The following SUMF1 variants were observed in gnomAD, a reference collection of about 807,000 sequenced individuals.
SUMF1 encodes sulfatase modifying factor 1, also known as formylglycine-generating enzyme.
SUMF1 carries 48 observed loss-of-function variants against 47.6 expected under a neutral mutation model. The ratio of observed to expected loss-of-function variants is 1.01; its 90% CI spans 0.80 to 1.28. The LOEUF is 1.28. Among genes scored for constraint, SUMF1 ranks in the 50% most tolerant of loss-of-function variants. SUMF1 has a pLI of 0.00. For synonymous variants in SUMF1, 230 were observed against 192.1 expected (o/e 1.20, Z -1.63); for missense variants, 571 against 485.4 (o/e 1.18, Z -1.66).
intron 9 of SUMF1, among the ~76,000 whole-genome samples, chr3:4,049,568 G>C (rs1297554154): frequency 6.6e-6 from 1 of 152,106 alleles, no homozygotes; most frequent in Non-Finnish European, 1.5e-5. Flanking sequence ...TTATGTGAGG[G>C]GAGCATGCAG....
chr3:4,456,662 A>ATT (rs2079615725), intron 1 of SUMF1, among the ~76,000 whole-genome samples: 1 of 145,064 alleles, frequency 6.9e-6, no homozygotes, highest in Non-Finnish European at 1.5e-5. Context: ...GTGTGTGTAT[A>ATT]TATATATATA....
chr3:4,365,856 G>A (rs368241238), intron 8 of SUMF1, among the ~76,000 whole-genome samples: 2,429 of 152,046 alleles, frequency 0.016, 57 homozygotes, highest in African/African-American at 0.052. Context: ...GGCTGGTACC[G>A]GTTGTTCCTT....
At chr3:4,463,684 C>G (rs1004141063) in intron 1 of SUMF1, among the ~76,000 whole-genome samples, 3 of 152,190 alleles carry the variant, frequency 2.0e-5, no homozygotes, top group African/African-American at 7.2e-5. Context: ...CATTACCAGT[C>G]AGAAACCTCC....
At chr3:4,283,451 G>C (rs867298710) in intron 8 of SUMF1, among the ~76,000 whole-genome samples, 1 of 152,068 alleles carries the variant, frequency 6.6e-6, no homozygotes, top group Non-Finnish European at 1.5e-5. Flanking sequence ...ATTTCATTAA[G>C]TATTTGCCTT....
At chr3:4,230,679 T>C (rs1242802) in intron 8 of SUMF1, among the ~76,000 whole-genome samples, 101,438 of 151,870 alleles carry the variant, frequency 0.67, 35,440 homozygotes, top group African/African-American at 0.88. Context: ...AGCTCAATCT[T>C]CAGCCCCTCT....
chr3:4,352,253 A>G (rs1575121306), intron 8 of SUMF1, among the ~76,000 whole-genome samples: 1 of 152,236 alleles, frequency 6.6e-6, no homozygotes. Context: ...CTTGAGTCCT[A>G]GTTTTCTAAG....
chr3:4,066,319 T>G (rs542703854), intron 9 of SUMF1, among the ~76,000 whole-genome samples: 1 of 152,114 alleles, frequency 6.6e-6, no homozygotes. Flanking sequence ...ACGATCTTTT[T>G]TCATGAAAAT....
chr3:4,333,418 C>T (rs955445003), intron 8 of SUMF1, among the ~76,000 whole-genome samples: 10 of 152,180 alleles, frequency 6.6e-5, no homozygotes, highest in Non-Finnish European at 1.0e-4. Flanking sequence ...CCCGCCTCAT[C>T]GGGTGGAACC....
intron 7 of SUMF1, among the ~76,000 whole-genome samples, chr3:4,394,682 G>A (rs566590074): frequency 6.6e-6 from 1 of 152,294 alleles, no homozygotes; most frequent in South Asian, 2.1e-4. Flanking sequence ...GAAGACAGAA[G>A]AGTAGCAATA....
intron 8 of SUMF1, among the ~76,000 whole-genome samples, chr3:4,205,354 G>A (rs1695628105): frequency 6.6e-6 from 1 of 152,052 alleles, no homozygotes; most frequent in African/African-American, 2.4e-5. Flanking sequence ...TGTCTTTTTG[G>A]ACTCAGCCCG....
intron 8 of SUMF1, among the ~76,000 whole-genome samples, chr3:4,233,053 T>C (rs1027832205): frequency 1.3e-5 from 2 of 152,130 alleles, no homozygotes; most frequent in Non-Finnish European, 2.9e-5. Context: ...CAAACATCTG[T>C]ACCCACTCCT....
chr3:4,303,503 G>C, intron 8 of SUMF1: 1 of 1,454,766 alleles, frequency 6.9e-7, no homozygotes, highest in South Asian at 1.5e-5. Flanking sequence ...GTGGCCCCCG[G>C]GGGCCGCGCC....
At chr3:4,399,477 A>G (rs944220883) in intron 7 of SUMF1, among the ~76,000 whole-genome samples, 3 of 152,306 alleles carry the variant, frequency 2.0e-5, no homozygotes, top group Admixed American at 2.0e-4. Flanking sequence ...TAAAGAAGAG[A>G]ATTATTGAGT....
chr3:4,059,448 A>T (rs1310574581), intron 9 of SUMF1, among the ~76,000 whole-genome samples: 1 of 152,152 alleles, frequency 6.6e-6, no homozygotes, highest in Non-Finnish European at 1.5e-5. Context: ...AGGACATCTA[A>T]AAGTGCAGCT....
intron 8 of SUMF1, among the ~76,000 whole-genome samples, chr3:4,289,963 T>A (rs1697708149): frequency 6.6e-6 from 1 of 152,234 alleles, no homozygotes; most frequent in Non-Finnish European, 1.5e-5. Context: ...TTAAGTTGCA[T>A]TTTTGCAACT....
chr3:4,211,882 T>C (rs1695806739), intron 8 of SUMF1, among the ~76,000 whole-genome samples: 1 of 151,978 alleles, frequency 6.6e-6, no homozygotes, highest in African/African-American at 2.4e-5. Context: ...ACTGCCAGAG[T>C]TCTCCTCTCT....
At chr3:4,384,892 CT>C (rs60832424) in intron 7 of SUMF1, among the ~76,000 whole-genome samples, 47 of 140,746 alleles carry the variant, frequency 3.3e-4, no homozygotes, top group South Asian at 4.5e-4. Context: ...TTTCTTTTTT[CT>C]TTTTTTTTTT....
chr3:4,067,450 G>C (rs114495352), intron 9 of SUMF1, among the ~76,000 whole-genome samples: 1 of 152,300 alleles, frequency 6.6e-6, no homozygotes, highest in Non-Finnish European at 1.5e-5. Context: ...GCTGCTTCTA[G>C]ATGATGTTGC....
In SUMF1 at chr3:4,423,491, T is replaced by A. The variant is rs534093869; in HGVS notation, c.520-3345A>T. The stretch of plus-strand genomic sequence containing the variant: ...AGCCCATACTCTTCTACTCTCCTTT[T>A]CCTCTCAATTCAATCTGGTTACAAA... On this transcript the variant is annotated intron_variant, in intron 3 of 8. Coordinates refer to ENST00000272902, the MANE Select transcript of SUMF1 (RefSeq NM_182760.4). Among the ~76,000 whole-genome samples the A allele has an allele frequency of 5.3e-5, 8 of 152,250 alleles. No homozygotes were observed. The East Asian group carries it at 1.5e-3, about 29-fold the overall frequency.
Sources: allele counts gnomAD v4.1 joint callset (sites outside exome capture counted in the v4.1 genomes callset), GRCh38; gene constraint gnomAD v4.1.1; transcripts MANE v1.5; gene names NCBI Gene and HGNC (gene_info 2026-07-23, HGNC 2026-07-21).